Variants in TENM3 observed in about 807,000 individuals in gnomAD.
TENM3 encodes the protein teneurin transmembrane protein 3, also known as teneurin-3.
In TENM3, 63 loss-of-function variants were observed where a neutral mutation model predicts 255.1. The ratio of observed to expected loss-of-function variants is 0.25; its 90% CI spans 0.20 to 0.30. TENM3 has a LOEUF of 0.30. TENM3 is among the 10% of genes least tolerant of loss of function. The pLI, the probability that TENM3 is intolerant of heterozygous loss-of-function variation, is 1.00. For synonymous variants in TENM3, 1,306 were observed against 1,322.3 expected (o/e 0.99, Z 0.27); for missense variants, 2,929 against 3,461.1 (o/e 0.85, Z 3.86).
At chr4:182,066,916 T>C in the TENM3 span, among the ~76,000 whole-genome samples, 15 of 152,018 alleles carry the variant, frequency 9.9e-5, no homozygotes, top group South Asian at 6.2e-4. Context: ...ATCTCAAATA[T>C]ATATATATAA....
At chr4:181,476,373 T>C in the TENM3 span, among the ~76,000 whole-genome samples, 1 of 152,146 alleles carries the variant, frequency 6.6e-6, no homozygotes, top group Non-Finnish European at 1.5e-5. Flanking sequence ...ATATGATTAC[T>C]GGGACGTGAG....
At chr4:182,253,975 A>G (rs896563021) in intron 1 of TENM3, among the ~76,000 whole-genome samples, 4 of 152,210 alleles carry the variant, frequency 2.6e-5, no homozygotes, top group Non-Finnish European at 4.4e-5. Context: ...TGTATATTTT[A>G]TGTTTGCCTT....
the TENM3 span, among the ~76,000 whole-genome samples, chr4:181,883,126 C>CTTTTTTTTT: frequency 1.2e-3 from 127 of 106,708 alleles, 2 homozygotes; most frequent in African/African-American, 4.1e-3. Flanking sequence ...TGCAATTAAT[C>CTTTTTTTTT]TTTTTTTTTT....
chr4:181,721,021 C>A, the TENM3 span, among the ~76,000 whole-genome samples: 1 of 151,724 alleles, frequency 6.6e-6, no homozygotes, highest in East Asian at 2.0e-4. Context: ...TCCAGATGAG[C>A]ATGAAGGCAG....
the TENM3 span, among the ~76,000 whole-genome samples, chr4:181,683,484 G>T: frequency 6.6e-6 from 1 of 152,182 alleles, no homozygotes; most frequent in Non-Finnish European, 1.5e-5. Flanking sequence ...CTCACTCCCA[G>T]ATTTTCTTAT....
the TENM3 span, among the ~76,000 whole-genome samples, chr4:181,942,831 T>C: frequency 1.3e-5 from 2 of 152,202 alleles, no homozygotes; most frequent in Non-Finnish European, 2.9e-5. Context: ...CAAAATAAAA[T>C]ACATATTGTA....
At chr4:181,570,504 G>A in the TENM3 span, among the ~76,000 whole-genome samples, 4 of 147,896 alleles carry the variant, frequency 2.7e-5, no homozygotes, top group East Asian at 2.0e-4. Flanking sequence ...CTGTCTCAGC[G>A]ACAAAGAAAA....
the TENM3 span, among the ~76,000 whole-genome samples, chr4:181,650,665 C>T: frequency 6.6e-6 from 1 of 152,096 alleles, no homozygotes; most frequent in African/African-American, 2.4e-5. Context: ...CTTGCAAACC[C>T]CAGATGTCAT....
At chr4:181,523,941 C>T in the TENM3 span, among the ~76,000 whole-genome samples, 6 of 152,154 alleles carry the variant, frequency 3.9e-5, no homozygotes, top group Admixed American at 3.9e-4. Flanking sequence ...GGAAACAAGT[C>T]TTTGTTGGTT....
chr4:182,586,404 G>A (rs774217642), intron 3 of TENM3, among the ~76,000 whole-genome samples: 21 of 152,124 alleles, frequency 1.4e-4, no homozygotes, highest in Non-Finnish European at 2.6e-4. Flanking sequence ...CCCATATTCA[G>A]TATTCTTTTC....
the TENM3 span, among the ~76,000 whole-genome samples, chr4:181,578,426 C>T: frequency 2.1e-4 from 32 of 152,214 alleles, no homozygotes; most frequent in Middle Eastern, 3.4e-3. Context: ...TGGCAAGAGA[C>T]GGAGGAATAG....
chr4:182,659,971 GGTTATATA>G (rs1561068439), intron 6 of TENM3, among the ~76,000 whole-genome samples: 1 of 152,142 alleles, frequency 6.6e-6, no homozygotes, highest in African/African-American at 2.4e-5. Context: ...ACTTGGGACA[GGTTATATA>G]GCTTCATTGT....
intron 3 of TENM3, among the ~76,000 whole-genome samples, chr4:182,356,251 G>T (rs1765517535): frequency 6.6e-6 from 1 of 152,146 alleles, no homozygotes; most frequent in Non-Finnish European, 1.5e-5. Flanking sequence ...TGTAGTCCCG[G>T]CACTCAGAAA....
chr4:182,626,212 A>T (rs1233180729), intron 4 of TENM3, among the ~76,000 whole-genome samples: 1 of 152,192 alleles, frequency 6.6e-6, no homozygotes, highest in Non-Finnish European at 1.5e-5. Flanking sequence ...TCTAAATGAC[A>T]TAGTCCATCT....
chr4:181,889,971 A>G, the TENM3 span, among the ~76,000 whole-genome samples: 2 of 152,232 alleles, frequency 1.3e-5, no homozygotes, highest in Admixed American at 1.3e-4. Context: ...GGAAAATGTC[A>G]TCCTCTGACC....
At chr4:182,764,786 A>ATCT (rs1251382894) in intron 22 of TENM3, among the ~76,000 whole-genome samples, 1 of 152,194 alleles carries the variant, frequency 6.6e-6, no homozygotes, top group Non-Finnish European at 1.5e-5. Context: ...GACTGCGTGG[A>ATCT]TCTTCCCTCC....
At chr4:181,597,602 G>A in the TENM3 span, among the ~76,000 whole-genome samples, 3 of 151,652 alleles carry the variant, frequency 2.0e-5, no homozygotes, top group South Asian at 2.1e-4. Flanking sequence ...AGAATGTCAC[G>A]TATTGCCTAA....
In TENM3 at chr4:182,169,810, A is replaced by G. The variant is rs533126106; in HGVS notation, c.-76+25056A>G. ...CAGCTGTTTCTAAACATCAGTAACAAAATTATAGACAGGTTTTGAAGCTTC... is the reference window on the plus strand; with the variant it reads ...CAGCTGTTTCTAAACATCAGTAACAGAATTATAGACAGGTTTTGAAGCTTC... On this transcript the variant is annotated intron_variant, in intron 1 of 2. Transcript: ENST00000512480. Among the ~76,000 whole-genome samples, 9 of 152,156 alleles carry G rather than the reference A, an allele frequency of 5.9e-5. No homozygotes were observed. The South Asian group carries it at 1.9e-3, about 32-fold the overall frequency.
chr4:182,112,320 C>T, the TENM3 span, among the ~76,000 whole-genome samples: 16 of 152,154 alleles, frequency 1.1e-4, no homozygotes, highest in Non-Finnish European at 2.1e-4. Context: ...GCCACATTCA[C>T]GGACTGACCG....
Sources: allele counts gnomAD v4.1 joint callset (sites outside exome capture counted in the v4.1 genomes callset), GRCh38; gene constraint gnomAD v4.1.1; transcripts MANE v1.5; gene names NCBI Gene and HGNC (gene_info 2026-07-23, HGNC 2026-07-21).